ABCG2: variants seen among roughly 807,000 people sequenced by gnomAD.
The protein encoded by ABCG2 is broad substrate specificity ATP-binding cassette transporter ABCG2.
A neutral mutation model predicts 73.5 loss-of-function variants in ABCG2; 80 were observed. The ratio of observed to expected loss-of-function variants is 1.09; its 90% confidence interval spans 0.91 to 1.31. The LOEUF (loss-of-function observed/expected upper bound fraction) is 1.31, where lower values mean the gene tolerates loss of function less well. ABCG2 is among the 50% of genes most tolerant of loss of function. The pLI, the probability that ABCG2 is intolerant of heterozygous loss-of-function variation, is 0.00. For synonymous variants in ABCG2, 269 were observed against 282.4 expected, an observed-to-expected ratio of 0.95 and a Z score of 0.48; for missense variants, 796 against 786.2, an observed-to-expected ratio of 1.01 and a Z score of -0.15.
chr4:88,097,557 T>C lies in ABCG2; in HGVS notation c.1543A>G (p.Met515Val), dbSNP rs377090546. The change falls in exon 13 of 16, where the codon ATG becomes GTG. Residue 515 changes from methionine (M) to valine (V), a missense_variant. Coordinates refer to ENST00000237612, the MANE Select transcript of ABCG2 (RefSeq NM_004827.3). Reference protein sequence around the residue: ...AFFVMMFTLMMVAYSASSMAL... With the variant: ...AFFVMMFTLMVVAYSASSMAL... ...ATGGAACTGGCTGAATAAGCCACCA[T>C]CATAAGGGTAAACATCATAACGAAG... The C allele has an allele frequency of 2.5e-6, 4 of 1,614,044 alleles. No individual in the cohort carries two copies. The African/African-American group carries it at 4.0e-5, about 16-fold the overall frequency.
chr4:88,134,401 T>C (rs1269155794), intron 2 of ABCG2, among the ~76,000 whole-genome samples: 2 of 152,178 alleles, frequency 1.3e-5, no homozygotes, highest in Non-Finnish European at 2.9e-5. Flanking sequence ...ACAAAGACAA[T>C]GGGAGTTAGG....
At chr4:88,221,173 G>T (rs901253395) in intron 1 of ABCG2, among the ~76,000 whole-genome samples, 6 of 152,102 alleles carry the variant, frequency 3.9e-5, no homozygotes, top group Admixed American at 3.3e-4. Context: ...GGAGGCTGAG[G>T]TACAAGAATC....
intron 7 of ABCG2, 144 bp from the exon 8 acceptor site, chr4:88,115,202 G>GTAATTT (rs1723454015): frequency 2.3e-6 from 1 of 436,488 alleles, no homozygotes; most frequent in Admixed American, 4.3e-5. Context: ...TTCTTCCCAC[G>GTAATTT]TAATTTTACC....
At chr4:88,138,134 G>A (rs2622631) in intron 2 of ABCG2, among the ~76,000 whole-genome samples, 147,518 of 152,338 alleles carry the variant, frequency 0.97, 71,615 homozygotes, top group East Asian at 1. Context: ...TGATGCAGCA[G>A]GACTCCATCT....
intron 10 of ABCG2, among the ~76,000 whole-genome samples, chr4:88,102,795 A>G (rs373176407): frequency 6.6e-6 from 1 of 152,174 alleles, no homozygotes; most frequent in Admixed American, 6.5e-5. Context: ...TAAAAACAAG[A>G]GAACATTTTA....
chr4:88,099,317 T>C lies in ABCG2; in HGVS notation c.1492+7A>G. The C allele has an allele frequency of 6.3e-7, 1 of 1,587,572 alleles. No homozygotes were observed. The highest frequency in any genetic ancestry group is 8.6e-7 in the Non-Finnish European group (1 of 1,169,386). On this transcript the variant is annotated splice_region_variant and intron_variant, in intron 12 of 15. Transcript: ENST00000237612. Reference sequence around the variant, plus strand: ...ACATGTCCTTTTTTGTTTTGTTACATACTTACCTAACATGAAGTACACTAT... The same window carrying C: ...ACATGTCCTTTTTTGTTTTGTTACACACTTACCTAACATGAAGTACACTAT...
At chr4:88,192,799 C>T (rs1197074258) in intron 1 of ABCG2, among the ~76,000 whole-genome samples, 1 of 151,836 alleles carries the variant, frequency 6.6e-6, no homozygotes, top group African/African-American at 2.4e-5. Context: ...GCAACCTCTG[C>T]CTCCTGGGTT....
intron 6 of ABCG2, among the ~76,000 whole-genome samples, chr4:88,120,832 T>C (rs760349556): frequency 1.3e-5 from 2 of 152,066 alleles, no homozygotes; most frequent in African/African-American, 4.8e-5. Context: ...TGGGAAGGCA[T>C]GATTGGTTTT....
At chr4:88,192,183 GA>G (rs34478612) in intron 1 of ABCG2, among the ~76,000 whole-genome samples, 119,915 of 142,738 alleles carry the variant, frequency 0.84, 50,104 homozygotes, top group East Asian at 1. Context: ...TCTGTGTCAA[GA>G]AAAAAAAAAA....
At chr4:88,230,809 C>A (rs927484146) in intron 1 of ABCG2, among the ~76,000 whole-genome samples, 70 of 152,120 alleles carry the variant, frequency 4.6e-4, no homozygotes, top group Non-Finnish European at 4.1e-4. Flanking sequence ...GAATCAGAGG[C>A]CCACCCCAGG....
intron 1 of ABCG2, among the ~76,000 whole-genome samples, chr4:88,165,353 C>T (rs1727474777): frequency 6.6e-6 from 1 of 152,164 alleles, no homozygotes; most frequent in African/African-American, 2.4e-5. Flanking sequence ...AAAATGTCAG[C>T]AGGTCTGTGT....
chr4:88,210,942 T>C (rs1729566237), intron 1 of ABCG2, among the ~76,000 whole-genome samples: 1 of 152,020 alleles, frequency 6.6e-6, no homozygotes, highest in Non-Finnish European at 1.5e-5. Context: ...GCAGATGCCA[T>C]GTTCTGCCCC....
At chr4:88,189,667 G>A (rs2110106361) in intron 1 of ABCG2, among the ~76,000 whole-genome samples, 1 of 152,236 alleles carries the variant, frequency 6.6e-6, no homozygotes, top group Non-Finnish European at 1.5e-5. Context: ...TTTCAACATA[G>A]AAGATTACAA....
chr4:88,111,809 G>A (rs1023435073), intron 9 of ABCG2, among the ~76,000 whole-genome samples: 1 of 152,124 alleles, frequency 6.6e-6, no homozygotes, highest in Non-Finnish European at 1.5e-5. Flanking sequence ...TAACAGAAAA[G>A]GCCAGGCATG....
intron 9 of ABCG2, among the ~76,000 whole-genome samples, chr4:88,107,913 G>A (rs532103306): frequency 4.4e-4 from 67 of 152,238 alleles, no homozygotes; most frequent in African/African-American, 1.4e-3. Flanking sequence ...AAAGCATTTG[G>A]CCGGCTTTCT....
chr4:88,113,242 G>A (rs182502768), intron 9 of ABCG2, 61 bp downstream of exon 9: 2 of 1,558,552 alleles, frequency 1.3e-6, no homozygotes, highest in Non-Finnish European at 1.7e-6. Context: ...ATATCCTGAA[G>A]CAGATGATAA....
intron 10 of ABCG2, 108 bp from the exon 11 acceptor site, chr4:88,101,427 G>GA (rs1272718737): frequency 1.1e-6 from 1 of 948,376 alleles, no homozygotes; most frequent in East Asian, 2.6e-5. Context: ...AGTTAAGCAG[G>GA]AAAAAAAGGG....
rs1721675844 is a variant in ABCG2, at chr4:88,092,126, C to T, written c.*108G>A. Reference sequence around the variant, plus strand: ...CTTTAAAACAATTGCTGCTGTGCAACAGTGTGATGGCAAGGGAACAGAAAA... The same window carrying T: ...CTTTAAAACAATTGCTGCTGTGCAATAGTGTGATGGCAAGGGAACAGAAAA... On this transcript the variant is annotated 3_prime_UTR_variant, in exon 16 of 16. Coordinates refer to ENST00000237612, the MANE Select transcript of ABCG2 (RefSeq NM_004827.3). 3.0e-6 allele frequency: 3 copies of T among 984,738 alleles called. No individual in the cohort carries two copies. Among genetic ancestry groups the T allele is most frequent in the Middle Eastern group, 2.8e-4 (1 of 3,540 alleles). 61.0% of individuals were successfully genotyped at this position (984,738 alleles called of 1,614,324 possible). A position where few individuals can be genotyped will look rare whatever the true frequency, so the allele number is the denominator to read the frequency against.
At chr4:88,159,383 A>C (rs1041087327), upstream of ABCG2, 1 of 356,332 alleles carries the variant, frequency 2.8e-6, no homozygotes, top group African/African-American at 2.2e-5. Context: ...GGCCTAAAAA[A>C]ATCAGGCACT....
Sources: allele counts gnomAD v4.1 joint callset (sites outside exome capture counted in the v4.1 genomes callset), GRCh38; gene constraint gnomAD v4.1.1; transcripts MANE v1.5; gene names NCBI Gene and HGNC (gene_info 2026-07-23, HGNC 2026-07-21).